The following PCNT variants were observed in gnomAD, a reference collection of about 807,000 sequenced individuals.
PCNT encodes kendrin.
PCNT carries 319 observed loss-of-function variants against 380.4 expected under a neutral mutation model. That is an observed-to-expected ratio of 0.84 (90% CI 0.77 to 0.92). The LOEUF (loss-of-function observed/expected upper bound fraction) is 0.92, where lower values mean the gene tolerates loss of function less well. PCNT is among the 40% of genes least tolerant of loss of function. The probability of loss-of-function intolerance (pLI) is 0.00; values close to 1 mark genes in which losing one functional copy is unlikely to be tolerated. For synonymous variants in PCNT, 1,845 were observed against 1,735.2 expected (o/e 1.06, Z -1.57); for missense variants, 4,400 against 4,255.3 (o/e 1.03, Z -0.95).
At chr21:46,401,944 G>C (rs1238483458) in intron 26 of PCNT, among the ~76,000 whole-genome samples, 1 of 152,202 alleles carries the variant, frequency 6.6e-6, no homozygotes, top group East Asian at 1.9e-4. Flanking sequence ...TCCGCCTCCT[G>C]GGTTCAAGCG....
At chr21:46,421,678 C>T (rs541794601) in intron 31 of PCNT, among the ~76,000 whole-genome samples, 18 of 152,332 alleles carry the variant, frequency 1.2e-4, no homozygotes, top group African/African-American at 4.1e-4. Context: ...TTGGGGGCCA[C>T]GTCTGGAGAA....
chr21:46,387,535 G>T (rs1331152369), intron 17 of PCNT, among the ~76,000 whole-genome samples: 1 of 152,152 alleles, frequency 6.6e-6, no homozygotes, highest in Non-Finnish European at 1.5e-5. Context: ...TTGAGGTGGG[G>T]TGGCTGCAGA....
At chr21:46,423,769 G>A (rs2087362247) in intron 32 of PCNT, among the ~76,000 whole-genome samples, 1 of 91,062 alleles carries the variant, frequency 1.1e-5, no homozygotes, top group Non-Finnish European at 2.2e-5. Context: ...AGAGAAGGGA[G>A]GGGGATGAGG....
At chr21:46,398,154 C>T (rs886307862) in intron 23 of PCNT, 24 bp downstream of exon 23, 6 of 1,603,676 alleles carry the variant, frequency 3.7e-6, no homozygotes, top group Admixed American at 3.4e-5. Context: ...GCGTGCAGTG[C>T]TGCTGGTTGC....
At chr21:46,386,009 T>C (rs1183920349) in intron 17 of PCNT, 26 bp downstream of exon 17, 3 of 1,613,044 alleles carry the variant, frequency 1.9e-6, no homozygotes, top group Non-Finnish European at 2.5e-6. Flanking sequence ...GCACCGAGGC[T>C]GCCTTGTGGC....
At chr21:46,387,328 T>G (rs2147253513) in intron 17 of PCNT, among the ~76,000 whole-genome samples, 1 of 152,304 alleles carries the variant, frequency 6.6e-6, no homozygotes, top group African/African-American at 2.4e-5. Context: ...CGTAGCTTGG[T>G]GCTGACTCTC....
At chr21:46,437,125 C>T (rs757099784) in intron 40 of PCNT, 44 bp downstream of exon 40, 10 of 1,282,366 alleles carry the variant, frequency 7.8e-6, no homozygotes, top group Admixed American at 6.8e-5. Flanking sequence ...GCTCCTCCCC[C>T]AGAGGGGCCC....
chr21:46,414,970 C>T (rs956596562), intron 29 of PCNT, among the ~76,000 whole-genome samples: 5 of 152,254 alleles, frequency 3.3e-5, no homozygotes, highest in African/African-American at 1.2e-4. Flanking sequence ...CCCAGAGGCT[C>T]TAACACCAGA....
chr21:46,331,006 A>G (rs564793231), intron 2 of PCNT, among the ~76,000 whole-genome samples: 3 of 152,236 alleles, frequency 2.0e-5, no homozygotes, highest in Non-Finnish European at 4.4e-5. Context: ...ATTGAACAGC[A>G]TAAGAAGATA....
intron 13 of PCNT, among the ~76,000 whole-genome samples, chr21:46,363,119 G>A (rs1443390632): frequency 6.6e-6 from 1 of 152,208 alleles, no homozygotes; most frequent in East Asian, 1.9e-4. Flanking sequence ...GAGGCCTGCG[G>A]CCGATCTGAG....
chr21:46,357,496 C>T (rs2084520115), intron 13 of PCNT, among the ~76,000 whole-genome samples: 1 of 152,208 alleles, frequency 6.6e-6, no homozygotes, highest in African/African-American at 2.4e-5. Context: ...GGCTGGAGTG[C>T]AGTGGCATGG....
Position 46,429,523 on chromosome 21 carries a change from G to A in PCNT, c.7691-487G>A, listed in dbSNP as rs2087662423. Reference sequence around the variant, plus strand: ...GCCGGTGCTGTCTGAGTGCTCGTGAGGGGCACTGGTCTGTTTTCTGTTGTG... The same window carrying A: ...GCCGGTGCTGTCTGAGTGCTCGTGAAGGGCACTGGTCTGTTTTCTGTTGTG... On this transcript the variant is annotated intron_variant, in intron 35 of 46. Coordinates refer to ENST00000359568, the MANE Select transcript of PCNT (RefSeq NM_006031.6). Among the ~76,000 whole-genome samples the A allele has an allele frequency of 2.0e-5, 3 of 152,316 alleles. No homozygotes were observed. In the South Asian group the frequency reaches 6.2e-4, roughly 32 times the overall value.
chr21:46,420,075 C>G (rs1432455967), intron 31 of PCNT, among the ~76,000 whole-genome samples: 1 of 152,166 alleles, frequency 6.6e-6, no homozygotes, highest in Non-Finnish European at 1.5e-5. Context: ...GCCTCTGTGC[C>G]CGCGCCCTCC....
At chr21:46,381,385 T>G (rs2085534610) in intron 15 of PCNT, among the ~76,000 whole-genome samples, 1 of 152,160 alleles carries the variant, frequency 6.6e-6, no homozygotes, top group South Asian at 2.1e-4. Context: ...AACTTCTTAG[T>G]GTGACTCTTA....
At chr21:46,380,756 C>T (rs1011085697) in intron 15 of PCNT, among the ~76,000 whole-genome samples, 1 of 152,142 alleles carries the variant, frequency 6.6e-6, no homozygotes, top group Non-Finnish European at 1.5e-5. Flanking sequence ...TCTGAAAACA[C>T]TGGTTTTGAT....
chr21:46,333,259 C>T (rs1229773609), intron 2 of PCNT, among the ~76,000 whole-genome samples: 4 of 152,002 alleles, frequency 2.6e-5, no homozygotes, highest in Admixed American at 2.6e-4. Context: ...TGGTGAAACC[C>T]CGATTCTACT....
chr21:46,440,992 G>C lies in PCNT; in HGVS notation c.9531G>C (p.Leu3177Phe). ...EQETLSMIAH[L>F]GVFPSKAERK... ...AAACACTCTCCATGATTGCCCATTTGGGGGTATTTCCTTCCAAAGCAGAAC... is the reference window on the plus strand; with the variant it reads ...AAACACTCTCCATGATTGCCCATTTCGGGGTATTTCCTTCCAAAGCAGAAC... Residue 3177 changes from leucine to phenylalanine, a missense_variant, in exon 43 of 47, where the codon TTG becomes TTC. Coordinates refer to ENST00000359568, the MANE Select transcript of PCNT (RefSeq NM_006031.6). The C allele has an allele frequency of 6.2e-7, 1 of 1,613,850 alleles. No individual in the cohort carries two copies. Among genetic ancestry groups the C allele is most frequent in the East Asian group, 2.2e-5 (1 of 44,882 alleles).
rs1351306972 is a variant in PCNT at position 46,430,059 on chromosome 21, C to T, written c.7740C>T (p.Asp2580=). The change falls in exon 36 of 47, where the codon GAC becomes GAT. Residue 2580 remains aspartate, a synonymous_variant. Coordinates refer to ENST00000359568, the MANE Select transcript of PCNT (RefSeq NM_006031.6). The stretch of plus-strand genomic sequence containing the variant: ...AGCAGGAGAAGTGCATTGCTGGTGA[C>T]TTGCAGAAGACGCTGAGTGAAGAGC... ...KVEQEKCIAG[D]LQKTLSEEQE... 6.2e-7 allele frequency: 1 copy of T among 1,614,194 alleles called. No individual in the cohort carries two copies. The highest frequency in any genetic ancestry group is 1.7e-5 in the Admixed American group (1 of 60,028).
At chr21:46,387,471 C>G (rs1180305303) in intron 17 of PCNT, among the ~76,000 whole-genome samples, 1 of 152,042 alleles carries the variant, frequency 6.6e-6, no homozygotes, top group African/African-American at 2.4e-5. Flanking sequence ...GCTCTAAACA[C>G]AAGGGGTGCA....
Sources: gnomAD v4.1 joint callset for allele counts (sites outside exome capture counted in the v4.1 genomes callset) on GRCh38, gnomAD v4.1.1 for gene constraint, MANE v1.5 for transcripts, NCBI Gene and HGNC (gene_info 2026-07-23, HGNC 2026-07-21) for gene names.